ROBO2: variants seen among roughly 807,000 people sequenced by gnomAD.
The protein encoded by ROBO2 is roundabout homolog 2.
ROBO2 carries 53 observed loss-of-function variants against 160.8 expected under a neutral mutation model. The ratio of observed to expected loss-of-function variants is 0.33; its 90% CI spans 0.26 to 0.41. The LOEUF (loss-of-function observed/expected upper bound fraction) is 0.41, where lower values mean the gene tolerates loss of function less well. ROBO2 is among the 10% of genes least tolerant of loss of function. The pLI is 1.00. For synonymous variants in ROBO2, 664 were observed against 611.7 expected (o/e 1.09, Z -1.26); for missense variants, 1,577 against 1,722.4 (o/e 0.92, Z 1.49).
At chr3:77,376,741 C>G (rs139522386) in intron 2 of ROBO2, among the ~76,000 whole-genome samples, 2 of 152,264 alleles carry the variant, frequency 1.3e-5, no homozygotes, top group East Asian at 3.9e-4. Flanking sequence ...CTCCATTAGA[C>G]CGCAAGTCCA....
intron 2 of ROBO2, among the ~76,000 whole-genome samples, chr3:76,460,711 C>T (rs762607165): frequency 6.6e-6 from 1 of 152,182 alleles, no homozygotes; most frequent in African/African-American, 2.4e-5. Flanking sequence ...AGTTTCTTGA[C>T]TTCATAAGAG....
intron 2 of ROBO2, among the ~76,000 whole-genome samples, chr3:76,240,800 A>G (rs1270356806): frequency 6.6e-6 from 1 of 152,186 alleles, no homozygotes; most frequent in Non-Finnish European, 1.5e-5. Flanking sequence ...AATTACTTGT[A>G]CAGCCATAAA....
chr3:77,114,769 A>G (rs1437702419), intron 2 of ROBO2, among the ~76,000 whole-genome samples: 1 of 152,138 alleles, frequency 6.6e-6, no homozygotes, highest in Non-Finnish European at 1.5e-5. Flanking sequence ...TTTTTAAAAA[A>G]GCAAAGAAGT....
At chr3:77,462,604 T>C (rs932365773) in intron 2 of ROBO2, among the ~76,000 whole-genome samples, 5 of 152,230 alleles carry the variant, frequency 3.3e-5, no homozygotes, top group Admixed American at 6.5e-5. Flanking sequence ...AAAGACAGTA[T>C]AATTTGAAAA....
At chr3:77,021,658 G>A (rs1295068976) in intron 2 of ROBO2, among the ~76,000 whole-genome samples, 4 of 152,182 alleles carry the variant, frequency 2.6e-5, no homozygotes, top group Non-Finnish European at 5.9e-5. Flanking sequence ...AAATTTAATT[G>A]CTGTTGTAAT....
chr3:76,742,086 T>C (rs1323553970), intron 2 of ROBO2, among the ~76,000 whole-genome samples: 1 of 152,100 alleles, frequency 6.6e-6, no homozygotes, highest in Non-Finnish European at 1.5e-5. Context: ...TATACGAAGA[T>C]TTGAATACCT....
intron 2 of ROBO2, among the ~76,000 whole-genome samples, chr3:77,449,115 A>G (rs531443415): frequency 5.9e-5 from 9 of 152,264 alleles, no homozygotes; most frequent in African/African-American, 2.2e-4. Context: ...AAAGGTGTAA[A>G]AATCATAAAA....
Position 76,541,101 on chromosome 3 carries a change from A to G in ROBO2, c.110-556913A>G, listed in dbSNP as rs895362566. Among the ~76,000 whole-genome samples the G allele has an allele frequency of 2.6e-5, 4 of 152,238 alleles. No homozygotes were observed. In the East Asian group the frequency reaches 5.8e-4, roughly 22 times the overall value. On this transcript the variant is annotated intron_variant, in intron 2 of 26. Coordinates refer to the ROBO2 transcript ENST00000487694. ...AGGCATGAGCCATCAAATGAAGCCA[A>G]TTCGACTTTTCATTTAGTTTAAATA...
At chr3:77,576,465 T>A (rs78057971) in intron 14 of ROBO2, among the ~76,000 whole-genome samples, 1 of 152,176 alleles carries the variant, frequency 6.6e-6, no homozygotes, top group East Asian at 1.9e-4. Context: ...TATTTTAAAC[T>A]GTTAAGAACG....
intron 2 of ROBO2, among the ~76,000 whole-genome samples, chr3:77,138,006 T>C (rs986747893): frequency 3.3e-5 from 5 of 152,274 alleles, no homozygotes; most frequent in Middle Eastern, 3.4e-3. Flanking sequence ...ACGTGTAATA[T>C]AAAGATTGCT....
In ROBO2 at chr3:76,717,017, A is replaced by G. The variant is rs532905898; in HGVS notation, c.110-380997A>G. Among the ~76,000 whole-genome samples the G allele has an allele frequency of 9.8e-5, 15 of 152,330 alleles. No homozygotes were observed. In the East Asian group the frequency reaches 2.9e-3, roughly 29 times the overall value. On this transcript the variant is annotated intron_variant, in intron 2 of 26. Coordinates refer to the ROBO2 transcript ENST00000487694. ...ATTTTCTGTGTGCATTTTTGCTTAG[A>G]AAGTGGGTTTGAAGCCACCAACCGT...
At chr3:77,437,204 C>G (rs768508873) in intron 2 of ROBO2, among the ~76,000 whole-genome samples, 2 of 151,924 alleles carry the variant, frequency 1.3e-5, no homozygotes, top group Non-Finnish European at 2.9e-5. Flanking sequence ...ATTCACTTGG[C>G]CTGCCAGCAT....
At chr3:77,130,445 CAAAAA>C (rs10707513) in intron 2 of ROBO2, among the ~76,000 whole-genome samples, 8 of 152,040 alleles carry the variant, frequency 5.3e-5, no homozygotes, top group African/African-American at 1.9e-4. Flanking sequence ...AAGTAATTAG[CAAAAA>C]AAAATAAAGT....
intron 2 of ROBO2, among the ~76,000 whole-genome samples, chr3:76,803,555 A>C (rs947426825): frequency 6.6e-6 from 1 of 151,884 alleles, no homozygotes; most frequent in Non-Finnish European, 1.5e-5. Flanking sequence ...AAAAGAGAAA[A>C]GGAGAGAGGA....
intron 2 of ROBO2, among the ~76,000 whole-genome samples, chr3:75,997,382 A>G (rs571345531): frequency 6.6e-6 from 1 of 152,254 alleles, no homozygotes; most frequent in South Asian, 2.1e-4. Flanking sequence ...AAATGTAATT[A>G]TAACTTTAAA....
At chr3:77,156,453 A>G (rs1294648103) in intron 2 of ROBO2, among the ~76,000 whole-genome samples, 4 of 152,052 alleles carry the variant, frequency 2.6e-5, no homozygotes, top group Non-Finnish European at 5.9e-5. Context: ...GTGCTATTGT[A>G]CCTATGACAC....
intron 2 of ROBO2, among the ~76,000 whole-genome samples, chr3:76,370,986 T>G (rs1362940450): frequency 6.6e-6 from 1 of 151,852 alleles, no homozygotes; most frequent in African/African-American, 2.4e-5. Flanking sequence ...CTTCTCTCAT[T>G]GCACTCACCC....
intron 2 of ROBO2, among the ~76,000 whole-genome samples, chr3:76,405,060 G>A (rs2078050795): frequency 6.6e-6 from 1 of 151,572 alleles, no homozygotes; most frequent in African/African-American, 2.4e-5. Flanking sequence ...GGCATGTGTG[G>A]AGGGAAATAT....
chr3:77,072,070 G>C (rs1396994714), intron 1 of ROBO2, among the ~76,000 whole-genome samples: 1 of 152,064 alleles, frequency 6.6e-6, no homozygotes, highest in African/African-American at 2.4e-5. Context: ...TACCACCTGA[G>C]CTCCGTCTCA....
Sources: allele counts gnomAD v4.1 joint callset (sites outside exome capture counted in the v4.1 genomes callset), GRCh38; gene constraint gnomAD v4.1.1; transcripts MANE v1.5; gene names NCBI Gene and HGNC (gene_info 2026-07-23, HGNC 2026-07-21).